CLDN14: variants seen among roughly 807,000 people sequenced by gnomAD.
CLDN14 encodes claudin-14.
In CLDN14, 2 loss-of-function variants were observed where a neutral mutation model predicts 2.1. That is an observed-to-expected ratio of 0.96 (90% confidence interval 0.39 to 3.01). CLDN14 has a LOEUF of 3.01. Among genes scored for constraint, CLDN14 ranks in the 30% most tolerant of loss-of-function variants. The probability of loss-of-function intolerance (pLI) is 0.09; values close to 1 mark genes in which losing one functional copy is unlikely to be tolerated. For synonymous variants in CLDN14, 136 were observed against 154.4 expected (o/e 0.88, Z 0.88); for missense variants, 298 against 328.0 (o/e 0.91, Z 0.71).
intron 1 of CLDN14, among the ~76,000 whole-genome samples, chr21:36,524,434 T>C (rs912918345): frequency 2.0e-5 from 3 of 152,194 alleles, no homozygotes; most frequent in Non-Finnish European, 4.4e-5. Context: ...CCTCAGACTT[T>C]AACCTGCACA....
At chr21:36,575,975 T>C (rs1217267763) in intron 1 of CLDN14, among the ~76,000 whole-genome samples, 1 of 152,214 alleles carries the variant, frequency 6.6e-6, no homozygotes, top group African/African-American at 2.4e-5. Context: ...TTATCTTTTC[T>C]TTGGAAATCG....
chr21:36,538,223 A>C (rs1178746318), intron 1 of CLDN14, among the ~76,000 whole-genome samples: 1 of 152,296 alleles, frequency 6.6e-6, no homozygotes, highest in East Asian at 1.9e-4. Context: ...CATTTTCTGG[A>C]ACCCCTAGTG....
chr21:36,486,773 T>TA, intron 2 of CLDN14: 1 of 817,570 alleles, frequency 1.2e-6, no homozygotes, highest in South Asian at 1.5e-5. Context: ...AAGGCAATGA[T>TA]ATGCGTCTTG....
At chr21:36,473,450 T>C (rs1266287598) in intron 1 of CLDN14, among the ~76,000 whole-genome samples, 2 of 152,262 alleles carry the variant, frequency 1.3e-5, no homozygotes, top group African/African-American at 2.4e-5. Context: ...TTAGAATAAA[T>C]AGATCTCTTT....
chr21:36,557,897 C>T (rs138606971), intron 1 of CLDN14, among the ~76,000 whole-genome samples: 1 of 152,258 alleles, frequency 6.6e-6, no homozygotes, highest in African/African-American at 2.4e-5. Flanking sequence ...TTAATGCTTT[C>T]CTCTAGAGGT....
chr21:36,461,205 A>G lies in CLDN14; in HGVS notation c.491T>C (p.Leu164Pro), dbSNP rs1323556417. 5 of 1,614,122 alleles carry G rather than the reference A, an allele frequency of 3.1e-6. No individual in the cohort carries two copies. The highest frequency in any genetic ancestry group is 4.2e-6 in the Non-Finnish European group (5 of 1,179,982). ...SGMKFEIGQA[L>P]YLGFISSSLS... ...GGACGAGGAGATGAAGCCCAGGTAC[A>G]GGGCCTGGCCAATCTCAAACTTCAT... is the stretch of plus-strand genomic sequence containing the variant. Residue 164 changes from leucine (L) to proline (P), a missense_variant, in exon 2 of 2, where the codon CTG becomes CCG. Physicochemically the swap from Leu to Pro is moderately conservative, Grantham distance 98 (BLOSUM62 -3). Coordinates refer to ENST00000399135, the MANE Select transcript of CLDN14 (RefSeq NM_001146079.2).
intron 2 of CLDN14, chr21:36,486,776 G>A (rs2086902133): frequency 2.5e-6 from 2 of 809,548 alleles, no homozygotes; most frequent in Admixed American, 3.9e-5. Flanking sequence ...GCAATGATAT[G>A]CGTCTTGTGA....
intron 2 of CLDN14, among the ~76,000 whole-genome samples, chr21:36,492,981 G>C (rs2086983355): frequency 6.6e-6 from 1 of 152,216 alleles, no homozygotes. Flanking sequence ...CTGTGTCTTT[G>C]TGGGGAGAGA....
intron 1 of CLDN14, chr21:36,477,296 T>C (rs2146443533): frequency 6.6e-6 from 1 of 152,198 alleles, no homozygotes; most frequent in Middle Eastern, 3.4e-3. Context: ...GTGCATTGAG[T>C]TAGAATGTTG....
chr21:36,566,686 C>T (rs1442104564), intron 1 of CLDN14, among the ~76,000 whole-genome samples: 1 of 152,232 alleles, frequency 6.6e-6, no homozygotes, highest in Non-Finnish European at 1.5e-5. Flanking sequence ...CAGCAGGCTG[C>T]CATGTGCAAA....
Position 36,551,924 on chromosome 21 carries a change from A to T in CLDN14, c.-220+24487T>A, listed in dbSNP as rs2087566084. On this transcript the variant is annotated intron_variant, in intron 1 of 2. Transcript: ENST00000342108. This position sits in a 1 kb window ranked among gnomAD's most constrained non-coding sequence, Gnocchi z 4.8. The stretch of plus-strand genomic sequence containing the variant: ...GCCATCCTTCTTGGCTGCTGTTTTC[A>T]TCATTTTTTAAAGGACTGTTGAGGG... 6.6e-6 allele frequency among the ~76,000 whole-genome samples: 1 copy of T among 152,168 alleles called. No individual in the cohort carries two copies. The highest frequency in any genetic ancestry group is 1.5e-5 in the Non-Finnish European group (1 of 68,034).
upstream of CLDN14, among the ~76,000 whole-genome samples, chr21:36,484,748 T>G (rs115462541): frequency 0.038 from 5,760 of 152,312 alleles, 133 homozygotes; most frequent in Admixed American, 0.067. Flanking sequence ...GTTTCATTCT[T>G]TCTTGCCCAG....
intron 1 of CLDN14, among the ~76,000 whole-genome samples, chr21:36,525,973 G>A (rs985567484): frequency 3.9e-5 from 6 of 152,146 alleles, no homozygotes; most frequent in African/African-American, 1.2e-4. Flanking sequence ...CACGATGAAG[G>A]TATGAGAGTG....
intron 1 of CLDN14, among the ~76,000 whole-genome samples, chr21:36,553,875 C>T (rs556744971): frequency 1.1e-4 from 17 of 152,238 alleles, no homozygotes; most frequent in Admixed American, 9.8e-4. Context: ...GGATGCTAAT[C>T]GCCATGTTGA....
chr21:36,485,573 T>G (rs2086886777), intron 2 of CLDN14, among the ~76,000 whole-genome samples: 1 of 152,210 alleles, frequency 6.6e-6, no homozygotes, highest in African/African-American at 2.4e-5. Context: ...TGAGTACAGG[T>G]TAATCAATAC....
chr21:36,460,797 C>T lies in CLDN14; in HGVS notation c.*179G>A. The T allele has an allele frequency of 4.3e-6, 3 of 692,560 alleles. No individual in the cohort carries two copies. In the East Asian group the frequency reaches 8.3e-5, roughly 19 times the overall value. The allele number at this position is 692,560 out of a possible 1,614,324, so 42.9% of individuals were successfully genotyped here. ...CAGTCTTTGGTATAGAGAGCTTTCT[C>T]CTCCTCTTATTTCCCCCTCTGTCCC... On this transcript the variant is annotated 3_prime_UTR_variant, in exon 2 of 2. Transcript: ENST00000399135. This position sits in a 1 kb window ranked among gnomAD's most constrained non-coding sequence, Gnocchi z 4.0.
chr21:36,556,927 C>T (rs2087602958), intron 1 of CLDN14, among the ~76,000 whole-genome samples: 1 of 152,138 alleles, frequency 6.6e-6, no homozygotes, highest in Non-Finnish European at 1.5e-5. Flanking sequence ...AACTTCATAC[C>T]AGGTGAAAAG....
chr21:36,573,463 G>C (rs2087723222), intron 1 of CLDN14, among the ~76,000 whole-genome samples: 2 of 152,110 alleles, frequency 1.3e-5, no homozygotes, highest in Non-Finnish European at 2.9e-5. Context: ...TTAACCAGGT[G>C]GTTGTGAAAT....
At position 36,509,144 on chromosome 21, in the gene CLDN14, G is replaced by C. The variant is rs370313437; in HGVS notation, c.-82+1219C>G. 4.0e-4 allele frequency among the ~76,000 whole-genome samples: 61 copies of C among 152,296 alleles called. No homozygotes were observed. In the South Asian group the frequency reaches 0.013, roughly 32 times the overall value. On this transcript the variant is annotated intron_variant, in intron 2 of 2. Transcript: ENST00000342108. ...TCCACCTGGCCCTGGGCATGGCTGCGGTGTGTATTGTGCTAGGTTCTGACT... is the reference window on the plus strand; with the variant it reads ...TCCACCTGGCCCTGGGCATGGCTGCCGTGTGTATTGTGCTAGGTTCTGACT...
Sources: allele counts gnomAD v4.1 joint callset (sites outside exome capture counted in the v4.1 genomes callset), GRCh38; gene constraint gnomAD v4.1.1; non-coding constraint Gnocchi (gnomAD v3.1); transcripts MANE v1.5; gene names NCBI Gene and HGNC (gene_info 2026-07-23, HGNC 2026-07-21).